The following HMGB1 variants were observed in gnomAD, a reference collection of about 807,000 sequenced individuals.
HMGB1 encodes the protein high mobility group box 1, also known as high mobility group protein B1.
For synonymous variants in HMGB1, 81 were observed against 84.0 expected, an observed-to-expected ratio of 0.96 and a Z score of 0.19; for missense variants, 79 against 253.5, an observed-to-expected ratio of 0.31 and a Z score of 4.67.
At chr13:30,575,271 A>T (rs999224490) in intron 1 of HMGB1, among the ~76,000 whole-genome samples, 1 of 152,214 alleles carries the variant, frequency 6.6e-6, no homozygotes, top group Admixed American at 6.5e-5. Context: ...GAAAGTGAGA[A>T]ATACAGCTCG....
intron 1 of HMGB1, among the ~76,000 whole-genome samples, chr13:30,572,452 T>C (rs1033960933): frequency 6.6e-6 from 1 of 152,226 alleles, no homozygotes; most frequent in South Asian, 2.1e-4. Flanking sequence ...ATTAGGATTA[T>C]ACCAGCAAAG....
intron 1 of HMGB1, among the ~76,000 whole-genome samples, chr13:30,583,504 C>CTGGA (rs946224072): frequency 7.1e-6 from 1 of 140,102 alleles, no homozygotes; most frequent in African/African-American, 2.7e-5. Context: ...ACACTTCAGC[C>CTGGA]TGGATGAAGT....
At chr13:30,497,949 T>A (rs1887649113) in intron 1 of HMGB1, among the ~76,000 whole-genome samples, 1 of 152,170 alleles carries the variant, frequency 6.6e-6, no homozygotes. Context: ...GGTAGAATGA[T>A]TTCTAGTCCT....
At chr13:30,608,043 G>A (rs575023496) in intron 1 of HMGB1, among the ~76,000 whole-genome samples, 3 of 152,278 alleles carry the variant, frequency 2.0e-5, no homozygotes, top group Admixed American at 6.5e-5. Context: ...GTGACAGTAG[G>A]TCACTTCCGA....
rs531516916 is a variant in HMGB1 at position 30,484,512 on chromosome 13, C to G, written c.-14-20818G>C. ...CCTCCATCCCCCAACAACCGCTACT[C>G]TGTCTCAGGGACTGGGATGGGTATA... On this transcript the variant is annotated intron_variant, in intron 1 of 4. Transcript: ENST00000405805. 3.9e-5 allele frequency among the ~76,000 whole-genome samples: 6 copies of G among 152,334 alleles called. No homozygotes were observed. In the South Asian group the frequency reaches 1.0e-3, roughly 26 times the overall value.
Position 30,461,275 on chromosome 13 carries a change from T to A in HMGB1, c.*82A>T. 6.6e-7 allele frequency: 1 copy of A among 1,505,610 alleles called. No individual in the cohort carries two copies. The highest frequency in any genetic ancestry group is 8.8e-7 in the Non-Finnish European group (1 of 1,131,186). 93.3% of individuals were successfully genotyped at this position (1,505,610 alleles called of 1,614,324 possible). On this transcript the variant is annotated 3_prime_UTR_variant, in exon 5 of 5. Transcript: ENST00000341423. ...TCTTACACAGCCTTACATTTCAATT[T>A]TTTTCTTTAAAAGGAGTGAGTTGTG...
intron 1 of HMGB1, among the ~76,000 whole-genome samples, chr13:30,604,816 C>T (rs1255947419): frequency 1.3e-5 from 2 of 152,142 alleles, no homozygotes; most frequent in African/African-American, 2.4e-5. Flanking sequence ...TGCCACCACA[C>T]CCAGCTAATT....
chr13:30,591,516 T>C (rs570036740), intron 1 of HMGB1, among the ~76,000 whole-genome samples: 2 of 151,952 alleles, frequency 1.3e-5, no homozygotes, highest in South Asian at 2.1e-4. Flanking sequence ...GATTTTTTTT[T>C]TTTTTTTCTT....
intron 1 of HMGB1, among the ~76,000 whole-genome samples, chr13:30,495,097 C>G (rs987378360): frequency 6.6e-6 from 1 of 152,172 alleles, no homozygotes; most frequent in Non-Finnish European, 1.5e-5. Flanking sequence ...TGGGTCATCC[C>G]TAATTCATGA....
At position 30,460,203 on chromosome 13, in the gene HMGB1, G is replaced by A. The variant is rs1886229237; in HGVS notation, c.*1154C>T. 2 of 152,334 alleles carry A rather than the reference G, an allele frequency of 1.3e-5. No homozygotes were observed. The highest frequency in any genetic ancestry group is 4.1e-4 in the South Asian group (2 of 4,830). 9.4% of individuals were successfully genotyped at this position (152,334 alleles called of 1,614,324 possible). A position where few individuals can be genotyped will look rare whatever the true frequency, so the allele number is the denominator to read the frequency against. The stretch of plus-strand genomic sequence containing the variant: ...TTGTCTTCTTTCTTCCTATCTACTT[G>A]GATTTATAAAGGGGCAAACCGTAAT... On this transcript the variant is annotated 3_prime_UTR_variant, in exon 5 of 5. Transcript: ENST00000341423.
At chr13:30,598,252 T>C (rs1871705084) in intron 1 of HMGB1, among the ~76,000 whole-genome samples, 1 of 152,232 alleles carries the variant, frequency 6.6e-6, no homozygotes, top group African/African-American at 2.4e-5. Context: ...TTAATGTACT[T>C]TTCATAACTA....
chr13:30,465,907 G>A lies in HMGB1; in HGVS notation c.-126C>T, dbSNP rs1206259871. 21 of 985,950 alleles carry A rather than the reference G, an allele frequency of 2.1e-5. No individual in the cohort carries two copies. Among genetic ancestry groups the A allele is most frequent in the Non-Finnish European group, 2.5e-5 (21 of 829,990 alleles). The allele number at this position is 985,950 out of a possible 1,614,324, so 61.1% of individuals were successfully genotyped here. A position where few individuals can be genotyped will look rare whatever the true frequency, so the allele number is the denominator to read the frequency against. ...GCTGTGAGAGCGGGAGCCAGACGCA[G>A]CCTCCTCACTCTCTCCGCTCTGTAA... On this transcript the variant is annotated 5_prime_UTR_variant, in exon 1 of 5. Transcript: ENST00000341423.
chr13:30,561,569 C>T (rs2137525122), intron 1 of HMGB1, among the ~76,000 whole-genome samples: 1 of 152,174 alleles, frequency 6.6e-6, no homozygotes, highest in Non-Finnish European at 1.5e-5. Flanking sequence ...GAAAAAAAGT[C>T]AGTGAAGTAG....
chr13:30,465,354 A>G (rs1279355684), intron 1 of HMGB1: 8 of 132,716 alleles, frequency 6.0e-5, no homozygotes, highest in African/African-American at 1.6e-4. Context: ...GCGGCGGCCA[A>G]TGCAGCCCGG....
intron 1 of HMGB1, chr13:30,554,087 G>C: frequency 7.7e-7 from 1 of 1,297,992 alleles, no homozygotes; most frequent in Non-Finnish European, 1.1e-6. Context: ...TTAAAGAAAC[G>C]GGATTCAATG....
intron 1 of HMGB1, among the ~76,000 whole-genome samples, chr13:30,614,255 C>G (rs2137578914): frequency 6.6e-6 from 1 of 152,220 alleles, no homozygotes; most frequent in Non-Finnish European, 1.5e-5. Context: ...TACCTATGAA[C>G]AAAATGACAA....
chr13:30,538,519 CTTTCCTTT>C (rs1868602837), intron 1 of HMGB1, among the ~76,000 whole-genome samples: 1 of 122,488 alleles, frequency 8.2e-6, no homozygotes, highest in African/African-American at 3.7e-5. Flanking sequence ...TCCTTTCTTT[CTTTCCTTT>C]CTTTCTTTCC....
intron 1 of HMGB1, among the ~76,000 whole-genome samples, chr13:30,530,539 C>T (rs1888471867): frequency 6.6e-6 from 1 of 152,210 alleles, no homozygotes; most frequent in South Asian, 2.1e-4. Flanking sequence ...ATTTATCTTA[C>T]AGATCTGCTC....
intron 1 of HMGB1, among the ~76,000 whole-genome samples, chr13:30,516,289 G>A (rs116586196): frequency 1.2e-3 from 180 of 152,312 alleles, no homozygotes; most frequent in African/African-American, 4.2e-3. Context: ...ATTGATTCAA[G>A]ATATTCAAGA....
Sources: allele counts gnomAD v4.1 joint callset (sites outside exome capture counted in the v4.1 genomes callset), GRCh38; gene constraint gnomAD v4.1.1; transcripts MANE v1.5; gene names NCBI Gene and HGNC (gene_info 2026-07-23, HGNC 2026-07-21).